Variants in FAR2 observed in about 807,000 individuals in gnomAD.
FAR2 encodes epididymis secretory protein Li 81.
In FAR2, 19 loss-of-function variants were observed where a neutral mutation model predicts 56.0. The observed-to-expected ratio is 0.34, with a 90% CI of 0.24 to 0.50. The LOEUF is 0.50. Among genes scored for constraint, FAR2 ranks in the 20% least tolerant of loss-of-function variants. The pLI is 0.98. For missense variants in FAR2, 508 were observed against 642.2 expected (o/e 0.79, Z 2.26); for synonymous variants, 219 against 218.8 (o/e 1.00, Z -0.01).
chr12:29,334,120 A>C lies in FAR2; in HGVS notation c.*326A>C, dbSNP rs935072586. 3 of 183,180 alleles carry C rather than the reference A, an allele frequency of 1.6e-5. No homozygotes were observed. The highest frequency in any genetic ancestry group is 7.1e-5 in the African/African-American group (3 of 42,268). 11.3% of individuals were successfully genotyped at this position (183,180 alleles called of 1,614,324 possible). A position where few individuals can be genotyped will look rare whatever the true frequency, so the allele number is the denominator to read the frequency against. The stretch of plus-strand genomic sequence containing the variant: ...TTTTCTCTCTGAGATGATTCATTTA[A>C]ACTCAGTAAATATGGAAAGATGCAT... On this transcript the variant is annotated 3_prime_UTR_variant, in exon 12 of 12. Coordinates refer to ENST00000536681, the MANE Select transcript of FAR2 (RefSeq NM_001271783.2).
At chr12:29,202,251 A>G (rs1017576729) in intron 1 of FAR2, among the ~76,000 whole-genome samples, 5 of 152,196 alleles carry the variant, frequency 3.3e-5, no homozygotes, top group Non-Finnish European at 5.9e-5. Flanking sequence ...TCCAAAATCT[A>G]CCTGTTCAAA....
At chr12:29,213,645 G>A (rs1201144274) in intron 1 of FAR2, among the ~76,000 whole-genome samples, 1 of 149,384 alleles carries the variant, frequency 6.7e-6, no homozygotes, top group Non-Finnish European at 1.5e-5. Flanking sequence ...AGCTGAGATC[G>A]TGCCACTGCA....
chr12:29,209,191 G>A (rs1281497943), intron 1 of FAR2, among the ~76,000 whole-genome samples: 1 of 151,990 alleles, frequency 6.6e-6, no homozygotes, highest in Admixed American at 6.5e-5. Flanking sequence ...AGGAAGGTGA[G>A]AGATCATATA....
intron 2 of FAR2, among the ~76,000 whole-genome samples, chr12:29,273,027 G>A (rs1370810641): frequency 1.3e-5 from 2 of 152,130 alleles, no homozygotes; most frequent in African/African-American, 2.4e-5. Context: ...CTTCTCCTGG[G>A]ACCTCTGACC....
chr12:29,176,734 T>A (rs2136593237), intron 1 of FAR2, among the ~76,000 whole-genome samples: 1 of 152,346 alleles, frequency 6.6e-6, no homozygotes. Context: ...GATCTTGAAT[T>A]CAGTGTGTAA....
intron 9 of FAR2, among the ~76,000 whole-genome samples, chr12:29,320,492 CAT>C (rs1417115369): frequency 6.6e-6 from 1 of 152,162 alleles, no homozygotes; most frequent in Non-Finnish European, 1.5e-5. Context: ...AGAAATACCT[CAT>C]GAGTCATTAA....
chr12:29,261,381 A>G (rs1948415266), intron 1 of FAR2, among the ~76,000 whole-genome samples: 1 of 152,214 alleles, frequency 6.6e-6, no homozygotes. Flanking sequence ...GGAAATACAC[A>G]GAGAAGACAA....
chr12:29,184,888 G>A (rs1950025702), intron 1 of FAR2, among the ~76,000 whole-genome samples: 1 of 151,940 alleles, frequency 6.6e-6, no homozygotes, highest in Admixed American at 6.6e-5. Flanking sequence ...ATTCTCAGTA[G>A]GAATAGGTAA....
chr12:29,302,394 T>C (rs1237693532), intron 4 of FAR2, among the ~76,000 whole-genome samples: 1 of 151,960 alleles, frequency 6.6e-6, no homozygotes, highest in Non-Finnish European at 1.5e-5. Context: ...GGGAGGCATA[T>C]GAGAAGACTT....
rs550848877 is a variant in FAR2, at chr12:29,203,496, C to T, written c.-39+54089C>T. Among the ~76,000 whole-genome samples, 4 of 152,330 alleles carry T rather than the reference C, an allele frequency of 2.6e-5. No homozygotes were observed. The East Asian group carries it at 7.7e-4, about 29-fold the overall frequency. On this transcript the variant is annotated intron_variant, in intron 1 of 11. Transcript: ENST00000536681. ...AGTGGGAATGGTCTACATACTTATA[C>T]TTGGGCCCAAGAAAATCTCTAAGTC...
At chr12:29,184,367 G>T (rs1950018422) in intron 1 of FAR2, among the ~76,000 whole-genome samples, 1 of 144,336 alleles carries the variant, frequency 6.9e-6, no homozygotes, top group African/African-American at 2.5e-5. Context: ...CTCTTTCACT[G>T]TGAACAATTA....
intron 1 of FAR2, among the ~76,000 whole-genome samples, chr12:29,189,408 A>G (rs563185790): frequency 2.0e-4 from 31 of 152,146 alleles, no homozygotes; most frequent in Non-Finnish European, 4.0e-4. Context: ...TTTGAGCACT[A>G]TCTTACTCTC....
intron 1 of FAR2, among the ~76,000 whole-genome samples, chr12:29,211,952 C>T (rs1376443859): frequency 6.7e-6 from 1 of 150,064 alleles, no homozygotes; most frequent in Non-Finnish European, 1.5e-5. Context: ...ATGTGAATAA[C>T]GAAGTTTTGC....
intron 6 of FAR2, chr12:29,309,631 A>G (rs951250972): frequency 1.9e-5 from 3 of 158,868 alleles, no homozygotes; most frequent in Non-Finnish European, 4.1e-5. Flanking sequence ...AACACATGTA[A>G]GAGTTTATGT....
rs758118238 is a variant in FAR2, at chr12:29,332,633, T to C, written c.1291T>C (p.Leu431=). ...CTTTGACGTGCGCCAGTTGAACTGG[T>C]TGGAATACATTGAAAATTATGTTTT... ...FNFDVRQLNW[L]EYIENYVLGV... The change falls in exon 11 of 12, where the codon TTG becomes CTG. Residue 431 remains leucine, a synonymous_variant. Coordinates refer to ENST00000536681, the MANE Select transcript of FAR2 (RefSeq NM_001271783.2). 27 of 1,613,630 alleles carry C rather than the reference T, an allele frequency of 1.7e-5. 1 individual carries two copies. In the East Asian group the frequency reaches 4.2e-4, roughly 25 times the overall value.
intron 1 of FAR2, among the ~76,000 whole-genome samples, chr12:29,155,791 T>C (rs1024525604): frequency 1.3e-5 from 2 of 152,238 alleles, no homozygotes; most frequent in African/African-American, 4.8e-5. Context: ...AATCCTAATA[T>C]ATTTACCTTG....
intron 10 of FAR2, among the ~76,000 whole-genome samples, chr12:29,327,169 T>G (rs1355708988): frequency 2.0e-5 from 3 of 152,004 alleles, no homozygotes; most frequent in African/African-American, 7.3e-5. Context: ...ACAAAGAGAA[T>G]AAAATACCTA....
At chr12:29,163,766 A>G (rs1353649206) in intron 1 of FAR2, among the ~76,000 whole-genome samples, 1 of 152,234 alleles carries the variant, frequency 6.6e-6, no homozygotes, top group Non-Finnish European at 1.5e-5. Flanking sequence ...TCGTGGATAG[A>G]ATTTTTAGGT....
chr12:29,259,295 C>T (rs1948377990), intron 1 of FAR2, among the ~76,000 whole-genome samples: 1 of 152,150 alleles, frequency 6.6e-6, no homozygotes, highest in African/African-American at 2.4e-5. Flanking sequence ...AAGCATCCTA[C>T]GTTGCACTGG....
Sources: gnomAD v4.1 joint callset for allele counts (sites outside exome capture counted in the v4.1 genomes callset) on GRCh38, gnomAD v4.1.1 for gene constraint, MANE v1.5 for transcripts, NCBI Gene and HGNC (gene_info 2026-07-23, HGNC 2026-07-21) for gene names.